Variants in CSNK1D observed in about 807,000 individuals in gnomAD.
CSNK1D encodes the protein casein kinase 1 delta, also known as casein kinase I isoform delta.
A neutral mutation model predicts 46.6 loss-of-function variants in CSNK1D; 16 were observed. That is an observed-to-expected ratio of 0.34 (90% CI 0.23 to 0.52). CSNK1D has a LOEUF of 0.52. Ranked by LOEUF, CSNK1D falls within the 20% of genes least tolerant of loss-of-function variation. The probability of loss-of-function intolerance (pLI) is 0.95; values close to 1 mark genes in which losing one functional copy is unlikely to be tolerated. For synonymous variants in CSNK1D, 276 were observed against 228.2 expected (o/e 1.21, Z -1.89); for missense variants, 398 against 578.4 (o/e 0.69, Z 3.20).
chr17:82,242,991 G>T lies in CSNK1D; in HGVS notation c.*1790C>A. On this transcript the variant is annotated 3_prime_UTR_variant, in exon 9 of 9. Coordinates refer to ENST00000314028, the MANE Select transcript of CSNK1D (RefSeq NM_001893.6). Reference sequence around the variant, plus strand: ...AGGCCACAGCGCGACGTCTCTCCGGGTGGGGGACGTCTACCTTCAAGAAGG... The same window carrying T: ...AGGCCACAGCGCGACGTCTCTCCGGTTGGGGGACGTCTACCTTCAAGAAGG... 1 of 985,448 alleles carries T rather than the reference G, an allele frequency of 1.0e-6. No homozygotes were observed. Among genetic ancestry groups the T allele is most frequent in the Non-Finnish European group, 1.2e-6 (1 of 829,932 alleles). The allele number at this position is 985,448 out of a possible 1,614,324, so 61.0% of individuals were successfully genotyped here. A position where few individuals can be genotyped will look rare whatever the true frequency, so the allele number is the denominator to read the frequency against.
chr17:82,270,588 C>T (rs2051595089), intron 1 of CSNK1D, among the ~76,000 whole-genome samples: 1 of 152,218 alleles, frequency 6.6e-6, no homozygotes, highest in East Asian at 1.9e-4. Context: ...ACCGATCCAT[C>T]TCATAGTCTT....
chr17:82,254,969 C>T (rs1396747914), intron 3 of CSNK1D, among the ~76,000 whole-genome samples: 24 of 137,862 alleles, frequency 1.7e-4, no homozygotes, highest in Admixed American at 1.4e-4. Flanking sequence ...GCTGAGCCGC[C>T]GGAGCCTCCA....
At position 82,243,761 on chromosome 17, in the gene CSNK1D, G is replaced by A. The variant is rs888616689; in HGVS notation, c.*1020C>T. 1.0e-6 allele frequency: 1 copy of A among 985,464 alleles called. No individual in the cohort carries two copies. The highest frequency in any genetic ancestry group is 1.2e-6 in the Non-Finnish European group (1 of 829,966). The allele number at this position is 985,464 out of a possible 1,614,324, so 61.0% of individuals were successfully genotyped here. A position where few individuals can be genotyped will look rare whatever the true frequency, so the allele number is the denominator to read the frequency against. On this transcript the variant is annotated 3_prime_UTR_variant, in exon 9 of 9. Transcript: ENST00000314028. ...TACAGACGGAGTGCCAATCCGCACA[G>A]GAGCATTGAGTGCTGAGAAAATGGA...
At chr17:82,268,037 G>A (rs547175415) in intron 1 of CSNK1D, among the ~76,000 whole-genome samples, 1 of 152,326 alleles carries the variant, frequency 6.6e-6, no homozygotes, top group East Asian at 1.9e-4. Flanking sequence ...GGGACCTCTC[G>A]CTGTGCAAGC....
chr17:82,249,736 A>G lies in CSNK1D; in HGVS notation c.886-134T>C, dbSNP rs2050951649. 2 of 1,506,310 alleles carry G rather than the reference A, an allele frequency of 1.3e-6. No homozygotes were observed. Among genetic ancestry groups the G allele is most frequent in the East Asian group, 4.9e-5 (2 of 40,514 alleles). The allele number at this position is 1,506,310 out of a possible 1,614,324, so 93.3% of individuals were successfully genotyped here. A position where few individuals can be genotyped will look rare whatever the true frequency, so the allele number is the denominator to read the frequency against. On this transcript the variant is annotated intron_variant, in intron 6 of 8. Coordinates refer to ENST00000314028, the MANE Select transcript of CSNK1D (RefSeq NM_001893.6). This position sits in a 1 kb window ranked among gnomAD's most constrained non-coding sequence, Gnocchi z 6.7. Reference sequence around the variant, plus strand: ...GACGAGACTGCCTGCAAAGCCCCCCACAGGCTGCACGTTTCTCCTCATGGG... The same window carrying G: ...GACGAGACTGCCTGCAAAGCCCCCCGCAGGCTGCACGTTTCTCCTCATGGG...
rs547978054 is a variant in CSNK1D, at chr17:82,242,899, C to T, written c.*1882G>A. ...GGCTGGAACCCGGGCGCAGAGCTGC[C>T]TCGCACAAACGTTCTGGGCACTACA... On this transcript the variant is annotated 3_prime_UTR_variant, in exon 9 of 9. Coordinates refer to ENST00000314028, the MANE Select transcript of CSNK1D (RefSeq NM_001893.6). The T allele has an allele frequency of 1.0e-6, 1 of 985,452 alleles. No homozygotes were observed. Among genetic ancestry groups the T allele is most frequent in the East Asian group, 1.1e-4 (1 of 8,812 alleles). The allele number at this position is 985,452 out of a possible 1,614,324, so 61.0% of individuals were successfully genotyped here. A position where few individuals can be genotyped will look rare whatever the true frequency, so the allele number is the denominator to read the frequency against.
At chr17:82,269,096 T>TAAAA (rs766007194) in intron 1 of CSNK1D, among the ~76,000 whole-genome samples, 9 of 105,366 alleles carry the variant, frequency 8.5e-5, no homozygotes, top group Non-Finnish European at 1.6e-4. Context: ...TACTTTGTCT[T>TAAAA]AAAAAAAAAA....
intron 3 of CSNK1D, chr17:82,253,565 A>G: frequency 1.0e-5 from 4 of 387,718 alleles, no homozygotes; most frequent in Non-Finnish European, 2.0e-5. Flanking sequence ...CAGACTACAC[A>G]CCAGGATTAG....
chr17:82,253,802 C>T (rs2147177653), intron 3 of CSNK1D: 1 of 300,828 alleles, frequency 3.3e-6, no homozygotes, highest in Non-Finnish European at 6.3e-6. Context: ...GTGAGCTGAG[C>T]CGCCGGAGCC....
rs1337868226 is a variant in CSNK1D, at chr17:82,249,906, C to T, written c.886-304G>A. On this transcript the variant is annotated intron_variant, in intron 6 of 8. Transcript: ENST00000314028. The surrounding 1 kb of genome is among the most constrained non-coding windows in gnomAD (Gnocchi z 6.7). ...TGGGCAGCAGCTACCCCCTGCTGCT[C>T]TGTGAACATGCTCACTAACACGTGC... The T allele has an allele frequency of 8.9e-6, 12 of 1,353,202 alleles. No individual in the cohort carries two copies. The South Asian group carries it at 1.7e-4, about 19-fold the overall frequency. 83.8% of individuals were successfully genotyped at this position (1,353,202 alleles called of 1,614,324 possible).
intron 3 of CSNK1D, chr17:82,253,480 A>T (rs1001745306): frequency 3.4e-5 from 18 of 528,598 alleles, no homozygotes; most frequent in Non-Finnish European, 5.3e-5. Flanking sequence ...AGCTCCCACA[A>T]AACAGAGAGG....
chr17:82,261,182 A>C (rs2051330670), intron 2 of CSNK1D: 1 of 154,890 alleles, frequency 6.5e-6, no homozygotes. Flanking sequence ...CTCTCAATGC[A>C]CTTGTGCTCT....
At chr17:82,272,864 G>A (rs1450793597) in intron 1 of CSNK1D, among the ~76,000 whole-genome samples, 1 of 151,772 alleles carries the variant, frequency 6.6e-6, no homozygotes, top group African/African-American at 2.4e-5. Context: ...CGCCCGCTTC[G>A]CGGCCCCAGC....
In CSNK1D at chr17:82,255,371, G is replaced by C. The variant is rs759717634; in HGVS notation, c.336+58C>G. 6.3e-7 allele frequency: 1 copy of C among 1,582,714 alleles called. No homozygotes were observed. The highest frequency in any genetic ancestry group is 1.3e-5 in the African/African-American group (1 of 74,422). On this transcript the variant is annotated intron_variant, in intron 3 of 8. Transcript: ENST00000314028. The surrounding 1 kb of genome is among the most constrained non-coding windows in gnomAD (Gnocchi z 5.9). The stretch of plus-strand genomic sequence containing the variant: ...TAATAATGGCAAGAACAGCACAAGC[G>C]AGTGGCTGATTCTATCAGACAGCAA...
At position 82,248,442 on chromosome 17, in the gene CSNK1D, C is replaced by T. The variant is rs534308927; in HGVS notation, c.1197+433G>A. On this transcript the variant is annotated intron_variant, in intron 8 of 8. Transcript: ENST00000314028. This position sits in a 1 kb window ranked among gnomAD's most constrained non-coding sequence, Gnocchi z 4.1. ...ACCAGGGAGGGTCTCACAAGAAGCCCGTGGAGGTCCCTACGGGCCTCCATC... is the reference window on the plus strand; with the variant it reads ...ACCAGGGAGGGTCTCACAAGAAGCCTGTGGAGGTCCCTACGGGCCTCCATC... 22 of 1,031,874 alleles carry T rather than the reference C, an allele frequency of 2.1e-5. No homozygotes were observed. In the East Asian group the frequency reaches 4.6e-4, roughly 22 times the overall value. The allele number at this position is 1,031,874 out of a possible 1,614,324, so 63.9% of individuals were successfully genotyped here. A position where few individuals can be genotyped will look rare whatever the true frequency, so the allele number is the denominator to read the frequency against.
rs547047205 is a variant in CSNK1D at position 82,253,783 on chromosome 17, G to C, written c.337-539C>G. The C allele has an allele frequency of 5.3e-4, 160 of 301,702 alleles. 1 individual carries two copies. Among genetic ancestry groups the C allele is most frequent in the South Asian group, 2.3e-3 (87 of 37,336 alleles). The allele number at this position is 301,702 out of a possible 1,614,324, so 18.7% of individuals were successfully genotyped here. ...CAGTGAACTGAGCCGCCGGAGCCTC[G>C]AGAAGCCAGTGAGCTGAGCCGCCGG... On this transcript the variant is annotated intron_variant, in intron 3 of 8. Transcript: ENST00000314028.
intron 3 of CSNK1D, chr17:82,254,256 C>A (rs1467677759): frequency 2.0e-5 from 5 of 248,940 alleles, no homozygotes; most frequent in South Asian, 3.0e-5. Flanking sequence ...TGCGCTGAGC[C>A]GCCGGAGCCT....
chr17:82,245,065 G>A (rs958076209), intron 8 of CSNK1D: 26 of 625,776 alleles, frequency 4.2e-5, no homozygotes, highest in African/African-American at 2.4e-4. Flanking sequence ...AGGTGCCCGC[G>A]GAGCCGGGCT....
At position 82,252,287 on chromosome 17, in the gene CSNK1D, CA is replaced by C. The variant is rs771140690; in HGVS notation, c.736+146del. The C allele has an allele frequency of 5.7e-4, 521 of 918,340 alleles. No homozygotes were observed. The highest frequency in any genetic ancestry group is 8.3e-4 in the Non-Finnish European group (461 of 556,228). The allele number at this position is 918,340 out of a possible 1,614,324, so 56.9% of individuals were successfully genotyped here. A position where few individuals can be genotyped will look rare whatever the true frequency, so the allele number is the denominator to read the frequency against. ...AGGAGGGCAGGCTGTTACCTCCATACACAAAAGCGCCCCGCTTTCCTGCCAC... is the reference window on the plus strand; with the variant it reads ...AGGAGGGCAGGCTGTTACCTCCATACCAAAAGCGCCCCGCTTTCCTGCCAC... On this transcript the variant is annotated intron_variant, in intron 5 of 8. Coordinates refer to ENST00000314028, the MANE Select transcript of CSNK1D (RefSeq NM_001893.6). This position sits in a 1 kb window ranked among gnomAD's most constrained non-coding sequence, Gnocchi z 4.6.
Sources: allele counts gnomAD v4.1 joint callset (sites outside exome capture counted in the v4.1 genomes callset), GRCh38; gene constraint gnomAD v4.1.1; non-coding constraint Gnocchi (gnomAD v3.1); transcripts MANE v1.5; gene names NCBI Gene and HGNC (gene_info 2026-07-23, HGNC 2026-07-21).